The following CNGB3 variants were observed in gnomAD, a reference collection of about 807,000 sequenced individuals.
CNGB3 encodes the protein cyclic nucleotide gated channel subunit beta 3, also known as cyclic nucleotide-gated channel beta-3.
Under a neutral mutation model 92.8 loss-of-function variants are expected in CNGB3, and 86 were observed. The observed-to-expected ratio is 0.93, with a 90% CI of 0.78 to 1.11. The LOEUF is 1.11. CNGB3 is among the 50% of genes least tolerant of loss of function. The pLI is 0.00. For missense variants in CNGB3, 1,026 were observed against 956.8 expected (o/e 1.07, Z -0.95); for synonymous variants, 333 against 332.7 (o/e 1.00, Z -0.01).
At chr8:86,715,799 G>A (rs1229474071) in intron 3 of CNGB3, among the ~76,000 whole-genome samples, 1 of 134,706 alleles carries the variant, frequency 7.4e-6, no homozygotes, top group Non-Finnish European at 1.5e-5. Flanking sequence ...CACAGGAAGG[G>A]GAACATCACA....
chr8:86,644,588 C>T (rs758669762), intron 9 of CNGB3, 34 bp downstream of exon 9: 12 of 1,596,336 alleles, frequency 7.5e-6, no homozygotes, highest in Non-Finnish European at 1.0e-5. Flanking sequence ...ATTGCTTTTT[C>T]CCCTTCCCCC....
At chr8:86,626,566 C>A (rs1231646668) in intron 12 of CNGB3, among the ~76,000 whole-genome samples, 1 of 152,142 alleles carries the variant, frequency 6.6e-6, no homozygotes, top group Admixed American at 6.6e-5. Context: ...GGTAAATGTT[C>A]TCATTCCTAC....
chr8:86,689,702 C>G (rs897150717), intron 3 of CNGB3, among the ~76,000 whole-genome samples: 2 of 150,240 alleles, frequency 1.3e-5, no homozygotes, highest in South Asian at 4.2e-4. Context: ...CTAATGCTAT[C>G]CCTCCCACCT....
At chr8:86,634,752 A>G (rs1300754742) in intron 10 of CNGB3, among the ~76,000 whole-genome samples, 2 of 151,344 alleles carry the variant, frequency 1.3e-5, no homozygotes, top group African/African-American at 4.9e-5. Flanking sequence ...CACATATAAC[A>G]TTAGCACTTT....
At chr8:86,726,411 G>T in intron 3 of CNGB3, 120 bp downstream of exon 3, 2 of 1,356,354 alleles carry the variant, frequency 1.5e-6, no homozygotes, top group African/African-American at 1.4e-5. Context: ...TTTGTGTTAT[G>T]TGACTATTGA....
chr8:86,608,298 G>A (rs1465152972), intron 14 of CNGB3, among the ~76,000 whole-genome samples: 1 of 152,216 alleles, frequency 6.6e-6, no homozygotes, highest in African/African-American at 2.4e-5. Flanking sequence ...GAAGACAAGA[G>A]TGCGAGCCTT....
intron 3 of CNGB3, among the ~76,000 whole-genome samples, chr8:86,686,925 G>T (rs1170504402): frequency 6.6e-6 from 1 of 151,944 alleles, no homozygotes; most frequent in East Asian, 1.9e-4. Flanking sequence ...CTCTTTTAAA[G>T]AAAAACAATA....
chr8:86,593,246 A>T (rs1350914326), intron 15 of CNGB3, among the ~76,000 whole-genome samples: 2 of 152,220 alleles, frequency 1.3e-5, no homozygotes, highest in Non-Finnish European at 2.9e-5. Context: ...TCTGGGTATA[A>T]CTTCTAAGGA....
In CNGB3 at chr8:86,739,725, T is replaced by G. The variant is rs1286369229; in HGVS notation, c.141A>C (p.Lys47Asn). 7 of 1,612,894 alleles carry G rather than the reference T, an allele frequency of 4.3e-6. No homozygotes were observed. The highest frequency in any genetic ancestry group is 5.9e-6 in the Non-Finnish European group (7 of 1,179,530). The stretch of plus-strand genomic sequence containing the variant: ...TGGTTTTGAGAGATTTCTCTTCACC[T>G]TTGTTTTCTTCCTTTGAGAAAAAAC... ...SQQTTAQEEN[K>N]GEEKSLKTKS... is the part of the protein sequence containing the mutation. The change falls in exon 2 of 18, where the codon AAA (lysine) becomes AAC (asparagine). Residue 47 changes from lysine (K) to asparagine (N), a missense_variant. By Grantham distance (94) the Lys-to-Asn change is moderately conservative (BLOSUM62 0). Transcript: ENST00000320005.
chr8:86,619,766 C>A (rs1361331250), intron 13 of CNGB3, among the ~76,000 whole-genome samples: 1 of 111,870 alleles, frequency 8.9e-6, no homozygotes, highest in Non-Finnish European at 1.7e-5. Context: ...CAGGGTCTTG[C>A]TCTGTTGCCC....
intron 2 of CNGB3, among the ~76,000 whole-genome samples, chr8:86,738,449 T>C (rs567510483): frequency 1.1e-4 from 16 of 152,188 alleles, no homozygotes; most frequent in Non-Finnish European, 2.2e-4. Context: ...ATGGGTGACA[T>C]AGAGTTCTAA....
Position 86,576,142 on chromosome 8 carries a change from A to G in CNGB3, c.2104-12T>C, listed in dbSNP as rs759176645. ...GAATTTTCTTTCTTCTGGAAGGAGC[A>G]ATTACAAAGAACTGGTGTTGAAATC... On this transcript the variant is annotated splice_polypyrimidine_tract_variant and intron_variant, in intron 17 of 17. Coordinates refer to ENST00000320005, the MANE Select transcript of CNGB3 (RefSeq NM_019098.5). The G allele has an allele frequency of 1.2e-6, 2 of 1,600,558 alleles. No individual in the cohort carries two copies. Among genetic ancestry groups the G allele is most frequent in the African/African-American group, 2.7e-5 (2 of 74,622 alleles).
intron 10 of CNGB3, among the ~76,000 whole-genome samples, chr8:86,640,244 C>T (rs1823154874): frequency 6.6e-6 from 1 of 151,934 alleles, no homozygotes. Flanking sequence ...TTATTGGGTG[C>T]ATACACATTT....
rs1336683722 is a variant in CNGB3, at chr8:86,632,892, A to T, written c.1180T>A (p.Tyr394Asn). Reference sequence around the variant, plus strand: ...ACTGCCCAATAATAACATCTCAGATACCTGTGAAAACAGAAGATATACATT... The same window carrying T: ...ACTGCCCAATAATAACATCTCAGATTCCTGTGAAAACAGAAGATATACATT... Reference protein sequence around the residue: ...RWVYDGEGNEYLRCYYWAVRT... With the variant: ...RWVYDGEGNENLRCYYWAVRT... Residue 394 changes from tyrosine to asparagine, a missense_variant and splice_region_variant, in exon 11 of 18, where the codon TAT (tyrosine) becomes AAT (asparagine). By Grantham distance (143) the Tyr-to-Asn change is moderately radical. Coordinates refer to ENST00000320005, the MANE Select transcript of CNGB3 (RefSeq NM_019098.5). 3 of 1,612,074 alleles carry T rather than the reference A, an allele frequency of 1.9e-6. No individual in the cohort carries two copies. Among genetic ancestry groups the T allele is most frequent in the Non-Finnish European group, 1.7e-6 (2 of 1,179,678 alleles).
intron 3 of CNGB3, among the ~76,000 whole-genome samples, chr8:86,699,150 A>AT (rs1182883197): frequency 6.6e-6 from 1 of 152,042 alleles, no homozygotes; most frequent in Non-Finnish European, 1.5e-5. Context: ...CCACAACTGG[A>AT]TTTTTCTTCT....
rs75529087 is a variant in CNGB3, at chr8:86,579,865, T to C, written c.1782-613A>G. Reference sequence around the variant, plus strand: ...AGTTCTGGTAAACATACCCTCTTCTTTTCCCATTCAGGCCTCACTGTAGTA... The same window carrying C: ...AGTTCTGGTAAACATACCCTCTTCTCTTCCCATTCAGGCCTCACTGTAGTA... On this transcript the variant is annotated intron_variant, in intron 15 of 17. Coordinates refer to ENST00000320005, the MANE Select transcript of CNGB3 (RefSeq NM_019098.5). Among the ~76,000 whole-genome samples the C allele has an allele frequency of 4.1e-3, 632 of 152,310 alleles. 27 individuals are homozygous for C. In the South Asian group the frequency reaches 0.087, roughly 21 times the overall value.
chr8:86,657,533 C>A (rs76222655), intron 6 of CNGB3: 1 of 486,370 alleles, frequency 2.1e-6, no homozygotes, highest in South Asian at 1.6e-5. Flanking sequence ...ATGGGGAGAA[C>A]CCTCCCTGGC....
chr8:86,653,446 T>C (rs1823443326), intron 7 of CNGB3, among the ~76,000 whole-genome samples: 1 of 152,074 alleles, frequency 6.6e-6, no homozygotes, highest in Admixed American at 6.6e-5. Context: ...AAGAATTGTC[T>C]TTGAAGTGAG....
chr8:86,578,876 G>C lies in CNGB3; in HGVS notation c.1929-13C>G. ...CTTTAAAAGCACTCTGTGGGTAAGA[G>C]AGAAAAGCTGTTTTAGGTAACTCTG... On this transcript the variant is annotated splice_polypyrimidine_tract_variant and intron_variant, in intron 16 of 17. Coordinates refer to ENST00000320005, the MANE Select transcript of CNGB3 (RefSeq NM_019098.5). The C allele has an allele frequency of 6.2e-7, 1 of 1,614,120 alleles. No individual in the cohort carries two copies. Among genetic ancestry groups the C allele is most frequent in the South Asian group, 1.1e-5 (1 of 91,080 alleles).
Sources: gnomAD v4.1 joint callset for allele counts (sites outside exome capture counted in the v4.1 genomes callset) on GRCh38, gnomAD v4.1.1 for gene constraint, MANE v1.5 for transcripts, NCBI Gene and HGNC (gene_info 2026-07-23, HGNC 2026-07-21) for gene names.